The following CDH8 variants were observed in gnomAD, a reference collection of about 807,000 sequenced individuals.
CDH8 encodes cadherin 8.
CDH8 carries 17 observed loss-of-function variants against 68.1 expected under a neutral mutation model. That is an observed-to-expected ratio of 0.25 (90% CI 0.17 to 0.37). CDH8 has a LOEUF of 0.37. Among genes scored for constraint, CDH8 ranks in the 10% least tolerant of loss-of-function variants. CDH8 has a pLI of 1.00. For missense variants in CDH8, 763 were observed against 999.3 expected, an observed-to-expected ratio of 0.76 and a Z score of 3.19; for synonymous variants, 372 against 365.1, an observed-to-expected ratio of 1.02 and a Z score of -0.21.
intron 10 of CDH8, among the ~76,000 whole-genome samples, chr16:61,664,160 G>A (rs896092850): frequency 1.3e-5 from 2 of 151,760 alleles, no homozygotes; most frequent in African/African-American, 2.4e-5. Flanking sequence ...AATTTGAATT[G>A]TGAAGATGTA....
intron 1 of CDH8, among the ~76,000 whole-genome samples, chr16:62,025,163 C>A (rs924811787): frequency 2.6e-5 from 4 of 152,116 alleles, no homozygotes; most frequent in Admixed American, 2.6e-4. Context: ...AGTGAAAGAA[C>A]ATTTCAGTCA....
chr16:61,817,833 C>A, intron 6 of CDH8, 101 bp from the exon 7 acceptor site: 2 of 1,214,886 alleles, frequency 1.6e-6, no homozygotes, highest in East Asian at 2.4e-5. Flanking sequence ...GCATTTAAAC[C>A]CATTTGTGAG....
At chr16:62,004,940 A>T (rs886318515) in intron 2 of CDH8, among the ~76,000 whole-genome samples, 2 of 152,226 alleles carry the variant, frequency 1.3e-5, no homozygotes, top group Non-Finnish European at 1.5e-5. Flanking sequence ...TGGAGTTTAC[A>T]GAGTAGCAGA....
intron 3 of CDH8, among the ~76,000 whole-genome samples, chr16:61,868,715 G>A (rs1300304281): frequency 6.6e-6 from 1 of 152,104 alleles, no homozygotes; most frequent in African/African-American, 2.4e-5. Context: ...GTCAGATTTT[G>A]AAGCACTTCA....
intron 10 of CDH8, among the ~76,000 whole-genome samples, chr16:61,710,459 G>A (rs1443654949): frequency 6.6e-6 from 1 of 151,954 alleles, no homozygotes; most frequent in East Asian, 1.9e-4. Flanking sequence ...TCAAAAGTAT[G>A]CATTTAAAGT....
intron 3 of CDH8, among the ~76,000 whole-genome samples, chr16:61,871,575 T>A (rs375015782): frequency 6.6e-6 from 1 of 151,604 alleles, no homozygotes; most frequent in African/African-American, 2.4e-5. Flanking sequence ...TCATTGATGA[T>A]CTTTATAATA....
chr16:61,821,138 G>A (rs1261701562), intron 5 of CDH8, 25 bp from the exon 6 acceptor site: 1 of 1,568,560 alleles, frequency 6.4e-7, no homozygotes, highest in Non-Finnish European at 8.7e-7. Context: ...GAAACAATGA[G>A]AGTCACACAA....
chr16:61,669,237 C>T (rs940082860), intron 10 of CDH8, among the ~76,000 whole-genome samples: 1 of 152,034 alleles, frequency 6.6e-6, no homozygotes, highest in Admixed American at 6.6e-5. Context: ...TCAGCTATAC[C>T]TCCATCTTAA....
intron 2 of CDH8, among the ~76,000 whole-genome samples, chr16:61,922,169 G>T (rs1355932905): frequency 2.0e-5 from 3 of 152,150 alleles, no homozygotes; most frequent in African/African-American, 7.2e-5. Context: ...ATTTAGGACA[G>T]ATTTTCCTAA....
intron 3 of CDH8, among the ~76,000 whole-genome samples, chr16:61,892,895 A>C (rs1963802290): frequency 2.0e-5 from 3 of 152,214 alleles, no homozygotes; most frequent in African/African-American, 7.2e-5. Context: ...GAAAGGGGAA[A>C]AAACCAAAAT....
intron 3 of CDH8, among the ~76,000 whole-genome samples, chr16:61,876,110 C>G (rs1260829759): frequency 6.6e-6 from 1 of 152,032 alleles, no homozygotes; most frequent in Non-Finnish European, 1.5e-5. Context: ...CTCCTGACCT[C>G]GTGATCCACC....
chr16:61,690,123 G>T (rs967930361), intron 10 of CDH8, among the ~76,000 whole-genome samples: 1 of 152,050 alleles, frequency 6.6e-6, no homozygotes, highest in African/African-American at 2.4e-5. Flanking sequence ...ATTTATACTG[G>T]TATTTTGGCA....
chr16:61,877,510 C>T (rs559058233), intron 3 of CDH8, among the ~76,000 whole-genome samples: 23 of 152,214 alleles, frequency 1.5e-4, no homozygotes, highest in African/African-American at 5.5e-4. Context: ...GAGAAGCCTA[C>T]TTGAGACAGA....
Position 61,653,639 on chromosome 16 carries a change from T to C in CDH8, c.2369A>G (p.Tyr790Cys). 1 of 1,612,968 alleles carries C rather than the reference T, an allele frequency of 6.2e-7. No homozygotes were observed. Among genetic ancestry groups the C allele is most frequent in the South Asian group, 1.1e-5 (1 of 90,938 alleles). Reference protein sequence around the residue: ...GPRFKRLGELYSVGESDKET With the variant: ...GPRFKRLGELCSVGESDKET ...TTCTTTGTCACTTTCACCAACAGAG[T>C]AGAGTTCGCCCAGTCTCTTAAAGCG... The change falls in exon 12 of 12, where the codon TAC becomes TGC. Residue 790 changes from tyrosine to cysteine, a missense_variant. This residue lies in a region of CDH8 where 397 missense variants were observed against 436.2 expected (regional missense o/e 0.91). Coordinates refer to ENST00000577390, the MANE Select transcript of CDH8 (RefSeq NM_001796.5).
At chr16:61,978,816 C>T (rs1206404650) in intron 2 of CDH8, among the ~76,000 whole-genome samples, 1 of 152,138 alleles carries the variant, frequency 6.6e-6, no homozygotes, top group Non-Finnish European at 1.5e-5. Context: ...TTCCTTTTGA[C>T]AAGGGGAAAT....
intron 8 of CDH8, among the ~76,000 whole-genome samples, chr16:61,774,253 A>G (rs115061926): frequency 0.01 from 1,552 of 152,062 alleles, 38 homozygotes; most frequent in African/African-American, 0.035. Flanking sequence ...TCAAGGTTCC[A>G]AGATCAGAAG....
At chr16:61,782,382 G>A (rs1446420212) in intron 8 of CDH8, among the ~76,000 whole-genome samples, 6 of 152,002 alleles carry the variant, frequency 3.9e-5, no homozygotes, top group South Asian at 2.1e-4. Context: ...TTTTCAGACC[G>A]GCTTAAAAAA....
chr16:61,782,394 G>A (rs1214309009), intron 8 of CDH8, among the ~76,000 whole-genome samples: 29 of 151,990 alleles, frequency 1.9e-4, no homozygotes, highest in African/African-American at 6.3e-4. Flanking sequence ...CTTAAAAAAC[G>A]GCGCACCACG....
chr16:61,667,601 C>T (rs1338815871), intron 10 of CDH8: 3 of 152,074 alleles, frequency 2.0e-5, no homozygotes, highest in East Asian at 1.9e-4. Flanking sequence ...ATGGATTCTC[C>T]TCTAGAGTTT....
Sources: gnomAD v4.1 joint callset for allele counts (sites outside exome capture counted in the v4.1 genomes callset) on GRCh38, gnomAD v4.1.1 for gene constraint, gnomAD v4.1.1 regional missense constraint, MANE v1.5 for transcripts, NCBI Gene and HGNC (gene_info 2026-07-23, HGNC 2026-07-21) for gene names.